Variants in ZNF385D observed in about 807,000 individuals in gnomAD.
ZNF385D encodes the protein zinc finger protein 385D, also known as zinc finger protein 659.
Under a neutral mutation model 35.8 loss-of-function variants are expected in ZNF385D, and 15 were observed. The ratio of observed to expected loss-of-function variants is 0.42; its 90% CI spans 0.28 to 0.64. ZNF385D has a LOEUF of 0.64. Among genes scored for constraint, ZNF385D ranks in the 30% least tolerant of loss-of-function variants. The pLI, the probability that ZNF385D is intolerant of heterozygous loss-of-function variation, is 0.23. For missense variants in ZNF385D, 474 were observed against 494.6 expected, an observed-to-expected ratio of 0.96 and a Z score of 0.39; for synonymous variants, 212 against 186.8, an observed-to-expected ratio of 1.13 and a Z score of -1.10.
At chr3:21,663,607 C>T (rs2066302063) in intron 2 of ZNF385D, among the ~76,000 whole-genome samples, 1 of 151,816 alleles carries the variant, frequency 6.6e-6, no homozygotes, top group Non-Finnish European at 1.5e-5. Flanking sequence ...GCAAGGTTTC[C>T]TCTACTCTTA....
chr3:21,633,035 TTGAAA>T (rs983597775), intron 2 of ZNF385D, among the ~76,000 whole-genome samples: 1 of 152,094 alleles, frequency 6.6e-6, no homozygotes, highest in African/African-American at 2.4e-5. Context: ...TTTAACTTAC[TTGAAA>T]TGAAAATGCA....
At chr3:21,950,452 C>T in intron 3 of ZNF385D, among the ~76,000 whole-genome samples, 1 of 151,678 alleles carries the variant, frequency 6.6e-6, no homozygotes, top group East Asian at 1.9e-4. Flanking sequence ...TGGATATTAG[C>T]CCTTTGTCAG....
intron 2 of ZNF385D, among the ~76,000 whole-genome samples, chr3:22,321,087 T>G (rs1462764515): frequency 6.6e-6 from 1 of 151,276 alleles, no homozygotes; most frequent in African/African-American, 2.4e-5. Context: ...TGTCATTATT[T>G]AATATCACAC....
intron 3 of ZNF385D, among the ~76,000 whole-genome samples, chr3:21,892,150 G>A (rs547940507): frequency 6.6e-6 from 1 of 152,188 alleles, no homozygotes. Context: ...ATCACTACAA[G>A]CAATGGAAAT....
chr3:22,316,341 C>T (rs1309264605), intron 2 of ZNF385D, among the ~76,000 whole-genome samples: 2 of 152,168 alleles, frequency 1.3e-5, no homozygotes, highest in Non-Finnish European at 2.9e-5. Context: ...CACAATAACG[C>T]TGTCTCAGTG....
intron 2 of ZNF385D, among the ~76,000 whole-genome samples, chr3:22,204,919 G>C (rs375041784): frequency 1.4e-5 from 2 of 145,906 alleles, no homozygotes; most frequent in Non-Finnish European, 3.0e-5. Flanking sequence ...AGAGGATAGA[G>C]AGAGAGAGCC....
At chr3:21,966,375 C>T (rs563129) in intron 3 of ZNF385D, among the ~76,000 whole-genome samples, 58,201 of 152,054 alleles carry the variant, frequency 0.38, 11,738 homozygotes, top group African/African-American at 0.52. Context: ...TCATTTCCTA[C>T]CATACCTGAA....
At chr3:21,838,338 T>G (rs1695453745) in intron 3 of ZNF385D, among the ~76,000 whole-genome samples, 1 of 152,022 alleles carries the variant, frequency 6.6e-6, no homozygotes, top group Admixed American at 6.6e-5. Flanking sequence ...ATAAGTATAG[T>G]TATGTATGGT....
intron 2 of ZNF385D, among the ~76,000 whole-genome samples, chr3:21,632,200 C>T (rs2065301502): frequency 6.6e-6 from 1 of 151,912 alleles, no homozygotes. Flanking sequence ...CTCAGAGAGC[C>T]TATTTTTAGT....
intron 3 of ZNF385D, among the ~76,000 whole-genome samples, chr3:22,126,905 T>C (rs535608716): frequency 1.0e-3 from 153 of 152,288 alleles, no homozygotes; most frequent in African/African-American, 3.6e-3. Flanking sequence ...GATGAATTCA[T>C]TCCTGTAAAA....
chr3:21,563,299 C>T (rs2063021241), intron 3 of ZNF385D: 1 of 152,496 alleles, frequency 6.6e-6, no homozygotes. Flanking sequence ...TCTTGGACTT[C>T]TCAGCCTCCG....
chr3:21,541,976 T>C (rs2062187908), intron 3 of ZNF385D, among the ~76,000 whole-genome samples: 2 of 152,240 alleles, frequency 1.3e-5, no homozygotes, highest in Non-Finnish European at 2.9e-5. Context: ...CCATAGCTAA[T>C]AAAGATTTCA....
At chr3:22,078,257 T>C (rs1216879171) in intron 3 of ZNF385D, among the ~76,000 whole-genome samples, 2 of 152,022 alleles carry the variant, frequency 1.3e-5, no homozygotes. Context: ...GGTTGTTTGG[T>C]GTCTATATTT....
At chr3:21,696,732 A>G (rs1473397245) in intron 1 of ZNF385D, among the ~76,000 whole-genome samples, 1 of 152,220 alleles carries the variant, frequency 6.6e-6, no homozygotes, top group Non-Finnish European at 1.5e-5. Context: ...AAATAATGAA[A>G]CTTAGCTTCT....
intron 3 of ZNF385D, among the ~76,000 whole-genome samples, chr3:21,977,503 C>T (rs1559810796): frequency 1.3e-5 from 2 of 151,938 alleles, no homozygotes; most frequent in South Asian, 4.2e-4. Flanking sequence ...AGGGTGGGAA[C>T]TGTGTTTGCA....
intron 3 of ZNF385D, among the ~76,000 whole-genome samples, chr3:22,163,478 C>A (rs1706105013): frequency 6.6e-6 from 1 of 152,128 alleles, no homozygotes; most frequent in East Asian, 1.9e-4. Context: ...ATATGTAAAA[C>A]ATATTTTTCT....
intron 2 of ZNF385D, among the ~76,000 whole-genome samples, chr3:22,298,185 G>T (rs563579607): frequency 3.3e-5 from 5 of 151,732 alleles, no homozygotes; most frequent in African/African-American, 4.8e-5. Context: ...TTTTTAAAAG[G>T]TTGCTAAGAA....
intron 3 of ZNF385D, among the ~76,000 whole-genome samples, chr3:22,068,568 T>C (rs1378798415): frequency 6.6e-6 from 1 of 152,232 alleles, no homozygotes; most frequent in Non-Finnish European, 1.5e-5. Context: ...CAGTTGGATC[T>C]GCCTGGCTTC....
chr3:21,696,235 C>G (rs956518431), intron 1 of ZNF385D, among the ~76,000 whole-genome samples: 3 of 152,126 alleles, frequency 2.0e-5, no homozygotes, highest in African/African-American at 7.2e-5. Context: ...TGAACACGGA[C>G]TTTGGAATTA....
Sources: gnomAD v4.1 joint callset for allele counts (sites outside exome capture counted in the v4.1 genomes callset) on GRCh38, gnomAD v4.1.1 for gene constraint, MANE v1.5 for transcripts, NCBI Gene and HGNC (gene_info 2026-07-23, HGNC 2026-07-21) for gene names.